DAAM2: variants seen among roughly 807,000 people sequenced by gnomAD.
The protein encoded by DAAM2 is dishevelled associated activator of morphogenesis 2, also known as disheveled-associated activator of morphogenesis 2.
In DAAM2, 39 loss-of-function variants were observed where a neutral mutation model predicts 120.7. The observed-to-expected ratio is 0.32, with a 90% CI of 0.25 to 0.42. The LOEUF (loss-of-function observed/expected upper bound fraction) is 0.42. Among genes scored for constraint, DAAM2 ranks in the 10% least tolerant of loss-of-function variants. The pLI is 1.00. For missense variants in DAAM2, 1,283 were observed against 1,401.7 expected (o/e 0.92, Z 1.35); for synonymous variants, 488 against 524.9 (o/e 0.93, Z 0.96).
chr6:39,878,495 C>A lies in DAAM2; in HGVS notation c.1452C>A (p.Asn484Lys). The stretch of plus-strand genomic sequence containing the variant: ...AGGAAGAGATGATGCGGACGCTGAA[C>A]AAAATGAAGGACAAGCTGGCCCGGG... ...LEKEEMMRTL[N>K]KMKDKLARES... Residue 484 changes from asparagine to lysine, a missense_variant, in exon 13 of 25, where the codon AAC becomes AAA. Transcript: ENST00000274867. The surrounding 1 kb of genome is among the most constrained non-coding windows in gnomAD (Gnocchi z 5.0). 6.2e-7 allele frequency: 1 copy of A among 1,610,850 alleles called. No individual in the cohort carries two copies. The highest frequency in any genetic ancestry group is 8.5e-7 in the Non-Finnish European group (1 of 1,178,478).
At position 39,884,085 on chromosome 6, in the gene DAAM2, C is replaced by T. The variant is rs775140795; in HGVS notation, c.1953+16C>T. ...GAGGCACCAGGTAAGACCCTATACC[C>T]TCTGGCCTCTTGGACCATACCCTTG... On this transcript the variant is annotated intron_variant, in intron 15 of 24. Transcript: ENST00000274867. The T allele has an allele frequency of 1.4e-6, 2 of 1,405,712 alleles. No homozygotes were observed. The highest frequency in any genetic ancestry group is 1.4e-5 in the African/African-American group (1 of 71,054). The allele number at this position is 1,405,712 out of a possible 1,614,324, so 87.1% of individuals were successfully genotyped here. A position where few individuals can be genotyped will look rare whatever the true frequency, so the allele number is the denominator to read the frequency against.
intron 3 of DAAM2, 189 bp downstream of exon 3, chr6:39,861,206 T>C (rs1236427922): frequency 1.5e-6 from 1 of 674,820 alleles, no homozygotes; most frequent in Admixed American, 2.1e-5. Flanking sequence ...CTCAAAGAAA[T>C]AGGATTCTCT....
intron 21 of DAAM2, among the ~76,000 whole-genome samples, chr6:39,898,445 A>G (rs1007521696): frequency 9.2e-5 from 14 of 152,162 alleles, no homozygotes; most frequent in African/African-American, 3.4e-4. Flanking sequence ...ATCAGACACG[A>G]ACATCTAGGC....
At chr6:39,844,897 T>A (rs1283213157) in intron 1 of DAAM2, among the ~76,000 whole-genome samples, 2 of 148,248 alleles carry the variant, frequency 1.3e-5, no homozygotes, top group Non-Finnish European at 3.0e-5. Flanking sequence ...CACACATACA[T>A]CACCTACACC....
intron 1 of DAAM2, among the ~76,000 whole-genome samples, chr6:39,826,485 C>G (rs1050133159): frequency 6.6e-6 from 1 of 152,086 alleles, no homozygotes; most frequent in African/African-American, 2.4e-5. Flanking sequence ...TTCTCTTTCT[C>G]TCTTTTTCAT....
intron 3 of DAAM2, chr6:39,862,511 A>T (rs1764251283): frequency 6.6e-6 from 1 of 152,138 alleles, no homozygotes; most frequent in Non-Finnish European, 1.5e-5. Flanking sequence ...CAAACAAACA[A>T]ACAAAAAAAT....
At chr6:39,864,825 GA>G (rs1233832825) in intron 4 of DAAM2, among the ~76,000 whole-genome samples, 154 bp from the exon 5 acceptor site, 1 of 152,196 alleles carries the variant, frequency 6.6e-6, no homozygotes, top group African/African-American at 2.4e-5. Context: ...TCCCAGCCCA[GA>G]ACCTAGGTCT....
intron 7 of DAAM2, 104 bp from the exon 8 acceptor site, chr6:39,870,236 A>G: frequency 1.5e-6 from 1 of 685,616 alleles, no homozygotes; most frequent in Admixed American, 2.3e-5. Context: ...TAGCTGTGGG[A>G]GATGTGTTGG....
intron 11 of DAAM2, among the ~76,000 whole-genome samples, chr6:39,876,712 T>C (rs965200976): frequency 1.5e-4 from 15 of 100,524 alleles, no homozygotes; most frequent in Admixed American, 5.8e-4. Flanking sequence ...GAAGGGTGTG[T>C]GTGTGTGTGT....
chr6:39,811,500 G>A lies in DAAM2; in HGVS notation c.-57+19035G>A, dbSNP rs536608505. On this transcript the variant is annotated intron_variant, in intron 1 of 24. Transcript: ENST00000274867. ...AGGAGGGGACTTTTGGGGAGAGCTC[G>A]TGGGCAACACCAAATGGCAACCCCA... Among the ~76,000 whole-genome samples the A allele has an allele frequency of 1.4e-4, 21 of 152,178 alleles. No individual in the cohort carries two copies. In the East Asian group the frequency reaches 1.9e-3, roughly 14 times the overall value.
rs144286098 is a variant in DAAM2, at chr6:39,827,142, G to A, written c.-56-29105G>A. 3.6e-3 allele frequency among the ~76,000 whole-genome samples: 553 copies of A among 152,274 alleles called. 4 individuals carry two copies. Among genetic ancestry groups the A allele is most frequent in the African/African-American group, 0.012 (501 of 41,542 alleles). ...AGGAAGCAAAGCAGAATTTGTCTGCGACTGTTCTGTAGTGGGAGAGAAGAG... is the reference window on the plus strand; with the variant it reads ...AGGAAGCAAAGCAGAATTTGTCTGCAACTGTTCTGTAGTGGGAGAGAAGAG... On this transcript the variant is annotated intron_variant, in intron 1 of 24. Coordinates refer to ENST00000274867, the MANE Select transcript of DAAM2 (RefSeq NM_001201427.2).
At chr6:39,828,793 C>T (rs1204426197) in intron 1 of DAAM2, among the ~76,000 whole-genome samples, 1 of 150,460 alleles carries the variant, frequency 6.6e-6, no homozygotes, top group Non-Finnish European at 1.5e-5. Context: ...GATCTCCTGA[C>T]CTTGTGATCT....
intron 1 of DAAM2, among the ~76,000 whole-genome samples, chr6:39,823,663 G>T (rs1026141886): frequency 1.3e-5 from 2 of 152,180 alleles, no homozygotes; most frequent in African/African-American, 4.8e-5. Flanking sequence ...CCAGCTGTTA[G>T]GTGAGAAGGC....
At chr6:39,845,588 C>CAT (rs1763556425) in intron 1 of DAAM2, among the ~76,000 whole-genome samples, 1 of 151,950 alleles carries the variant, frequency 6.6e-6, no homozygotes, top group Non-Finnish European at 1.5e-5. Flanking sequence ...ACCACACACA[C>CAT]ATACCACTCC....
chr6:39,900,064 C>A lies in DAAM2; in HGVS notation c.2680-13C>A. 6.3e-7 allele frequency: 1 copy of A among 1,598,534 alleles called. No homozygotes were observed. Among genetic ancestry groups the A allele is most frequent in the East Asian group, 2.3e-5 (1 of 43,956 alleles). On this transcript the variant is annotated splice_polypyrimidine_tract_variant and intron_variant, in intron 22 of 24. Transcript: ENST00000274867. The stretch of plus-strand genomic sequence containing the variant: ...GGCACCAGTCTAAGCAGCACTTCAC[C>A]CTCCCTCCTCAGGAGCTGGAGTATC...
chr6:39,855,352 C>T (rs371157867), intron 1 of DAAM2, among the ~76,000 whole-genome samples: 64 of 152,064 alleles, frequency 4.2e-4, no homozygotes, highest in African/African-American at 7.0e-4. Context: ...TTCCTAGTGG[C>T]GAGCCAAAGC....
chr6:39,801,353 C>T (rs187732042), intron 1 of DAAM2, among the ~76,000 whole-genome samples: 1 of 152,158 alleles, frequency 6.6e-6, no homozygotes, highest in Admixed American at 6.5e-5. Flanking sequence ...TGCTTTTGTT[C>T]CCCAACCCCA....
chr6:39,865,191 C>A, intron 5 of DAAM2, 117 bp downstream of exon 5: 1 of 671,406 alleles, frequency 1.5e-6, no homozygotes, highest in Non-Finnish European at 2.7e-6. Context: ...CCAACTCTGC[C>A]TCACCTGACT....
chr6:39,876,706 GGTGT>G (rs373953758), intron 11 of DAAM2, among the ~76,000 whole-genome samples: 2 of 149,468 alleles, frequency 1.3e-5, no homozygotes, highest in African/African-American at 4.9e-5. Context: ...GAATGGGAAG[GGTGT>G]GTGTGTGTGT....
Sources: allele counts gnomAD v4.1 joint callset (sites outside exome capture counted in the v4.1 genomes callset), GRCh38; gene constraint gnomAD v4.1.1; non-coding constraint Gnocchi (gnomAD v3.1); transcripts MANE v1.5; gene names NCBI Gene and HGNC (gene_info 2026-07-23, HGNC 2026-07-21).